GPC3: variants seen among roughly 807,000 people sequenced by gnomAD.
GPC3 encodes glypican 3.
A neutral mutation model predicts 34.4 loss-of-function variants in GPC3; 3 were observed. The ratio of observed to expected loss-of-function variants is 0.09; its 90% CI spans 0.04 to 0.23. GPC3 has a LOEUF of 0.23. GPC3 is among the 10% of genes least tolerant of loss of function. The pLI, the probability that GPC3 is intolerant of heterozygous loss-of-function variation, is 1.00. For synonymous variants in GPC3, 177 were observed against 174.0 expected (o/e 1.02, Z -0.13); for missense variants, 351 against 445.6 (o/e 0.79, Z 1.91).
chrX:133,914,349 G>A (rs1238081564), intron 2 of GPC3, among the ~76,000 whole-genome samples: 1 of 111,063 alleles, frequency 9.0e-6, no homozygotes, highest in African/African-American at 3.3e-5. Context: ...GATATTATCA[G>A]CCCCAGGGAT....
chrX:133,697,024 A>T (rs1373126936), intron 4 of GPC3, among the ~76,000 whole-genome samples: 1 of 112,356 alleles, frequency 8.9e-6, no homozygotes, highest in East Asian at 2.8e-4. Flanking sequence ...GGCTTCCATC[A>T]TCCTGAAGAG....
chrX:133,856,549 C>T (rs2075902329), intron 2 of GPC3, among the ~76,000 whole-genome samples: 1 of 110,981 alleles, frequency 9.0e-6, no homozygotes, highest in Admixed American at 9.6e-5. Context: ...TTTGAATTTT[C>T]CACATTCTCT....
chrX:133,902,395 C>T (rs2076147873), intron 2 of GPC3, among the ~76,000 whole-genome samples: 1 of 112,261 alleles, frequency 8.9e-6, no homozygotes, highest in Admixed American at 9.5e-5. Flanking sequence ...TGGCAAAGAA[C>T]ATTTTCTTCT....
chrX:133,716,715 A>G (rs997164171), intron 3 of GPC3, among the ~76,000 whole-genome samples: 14 of 111,531 alleles, frequency 1.3e-4, no homozygotes, highest in Non-Finnish European at 2.6e-4. Flanking sequence ...CATACATATA[A>G]TGGAAGTTTC....
chrX:133,541,137 C>G (rs1167228498), intron 7 of GPC3, among the ~76,000 whole-genome samples: 1 of 110,311 alleles, frequency 9.1e-6, no homozygotes, highest in East Asian at 2.8e-4. Context: ...TGATTGTTAA[C>G]ACTGTGGAAG....
chrX:133,542,868 C>T lies in GPC3; in HGVS notation c.1574-6575G>A, dbSNP rs2069353767. On this transcript the variant is annotated intron_variant, in intron 7 of 7. Transcript: ENST00000370818. ...CTGCCATTCGCTCTTGAATCCAAAA[C>T]AGACCCTGGTTTCCTTGTTCTCCCT... 2.7e-5 allele frequency among the ~76,000 whole-genome samples: 3 copies of T among 112,054 alleles called. No homozygotes were observed. In the Admixed American group the frequency reaches 2.8e-4, roughly 11 times the overall value.
intron 6 of GPC3, among the ~76,000 whole-genome samples, chrX:133,624,746 G>C (rs1276439817): frequency 1.8e-5 from 2 of 111,233 alleles, no homozygotes; most frequent in African/African-American, 6.5e-5. Context: ...AGAGGAGCTG[G>C]TACCATTCCT....
chrX:133,539,578 G>A (rs2069324220), intron 7 of GPC3, among the ~76,000 whole-genome samples: 2 of 112,117 alleles, frequency 1.8e-5, no homozygotes, highest in African/African-American at 6.5e-5. Context: ...AACAATGATG[G>A]CCAAAGCCAT....
chrX:133,570,322 C>T (rs2069616726), intron 7 of GPC3, among the ~76,000 whole-genome samples: 1 of 111,809 alleles, frequency 8.9e-6, no homozygotes, highest in South Asian at 3.8e-4. Context: ...CTGCCTTGGC[C>T]TCCCGAGTAG....
At chrX:133,703,662 G>A (rs761174460) in intron 3 of GPC3, among the ~76,000 whole-genome samples, 1 of 111,266 alleles carries the variant, frequency 9.0e-6, no homozygotes, top group African/African-American at 3.3e-5. Context: ...GTGTTTCACC[G>A]TGTTAGCTAG....
At chrX:133,605,275 T>G (rs1372445787) in intron 6 of GPC3, among the ~76,000 whole-genome samples, 1 of 111,531 alleles carries the variant, frequency 9.0e-6, no homozygotes, top group African/African-American at 3.3e-5. Context: ...TGTGTGACTT[T>G]GGGCAAGTCA....
chrX:133,674,345 C>T (rs1441439400), intron 5 of GPC3, among the ~76,000 whole-genome samples: 1 of 111,655 alleles, frequency 9.0e-6, no homozygotes, highest in Non-Finnish European at 1.9e-5. Context: ...GGAAGAGTCT[C>T]AGTTCTCTTA....
At chrX:133,687,277 G>GCA (rs1417705237) in intron 5 of GPC3, among the ~76,000 whole-genome samples, 1 of 105,342 alleles carries the variant, frequency 9.5e-6, no homozygotes, top group African/African-American at 3.5e-5. Context: ...TCCTTCTCTA[G>GCA]GTTGTGAACT....
intron 6 of GPC3, among the ~76,000 whole-genome samples, chrX:133,644,020 G>A (rs1052184558): frequency 1.8e-5 from 2 of 109,550 alleles, no homozygotes; most frequent in Non-Finnish European, 3.8e-5. Context: ...TAGAGACGGG[G>A]TTTCGCTATG....
chrX:133,829,051 G>A (rs1003623216), intron 2 of GPC3, among the ~76,000 whole-genome samples: 3 of 111,778 alleles, frequency 2.7e-5, no homozygotes, highest in Non-Finnish European at 5.6e-5. Flanking sequence ...CAACTAAAAT[G>A]CCAAAATGAT....
chrX:133,596,321 T>C lies in GPC3; in HGVS notation c.1573+119A>G, dbSNP rs2069913917. On this transcript the variant is annotated intron_variant, in intron 7 of 7. Transcript: ENST00000370818. The stretch of plus-strand genomic sequence containing the variant: ...GCTTGTATAGTCTTTCCTTGAAGAG[T>C]TGATGAGATTGTGTGTTGCAGGGAA... The C allele has an allele frequency of 1.1e-5, 7 of 648,976 alleles. No homozygotes were observed. In the South Asian group the frequency reaches 1.2e-4, roughly 11 times the overall value. 53.5% of individuals were successfully genotyped at this position (648,976 alleles called of 1,213,427 possible).
At chrX:133,538,545 A>G (rs1006574795) in intron 7 of GPC3, among the ~76,000 whole-genome samples, 5 of 111,374 alleles carry the variant, frequency 4.5e-5, no homozygotes, top group African/African-American at 1.6e-4. Flanking sequence ...ATCATCTGCT[A>G]ACTTTCAACA....
intron 7 of GPC3, among the ~76,000 whole-genome samples, chrX:133,591,463 T>C (rs1425908961): frequency 2.7e-5 from 3 of 111,615 alleles, no homozygotes; most frequent in Non-Finnish European, 5.6e-5. Flanking sequence ...GAAGCATTTT[T>C]AAAGGGGGGC....
At chrX:133,871,179 T>G (rs2075992641) in intron 2 of GPC3, among the ~76,000 whole-genome samples, 1 of 111,618 alleles carries the variant, frequency 9.0e-6, no homozygotes, top group Non-Finnish European at 1.9e-5. Context: ...AAAATCCAAT[T>G]CATTTTGCCT....
Sources: gnomAD v4.1 joint callset for allele counts (sites outside exome capture counted in the v4.1 genomes callset) on GRCh38, gnomAD v4.1.1 for gene constraint, MANE v1.5 for transcripts, NCBI Gene and HGNC (gene_info 2026-07-23, HGNC 2026-07-21) for gene names.